CHRM2: variants seen among roughly 807,000 people sequenced by gnomAD.
The protein encoded by CHRM2 is muscarinic acetylcholine receptor M2.
CHRM2 carries 8 observed loss-of-function variants against 25.0 expected under a neutral mutation model. The ratio of observed to expected loss-of-function variants is 0.32; its 90% CI spans 0.19 to 0.58. The LOEUF (loss-of-function observed/expected upper bound fraction) is 0.58. Among genes scored for constraint, CHRM2 ranks in the 20% least tolerant of loss-of-function variants. The pLI, the probability that CHRM2 is intolerant of heterozygous loss-of-function variation, is 0.88. For missense variants in CHRM2, 440 were observed against 567.1 expected, an observed-to-expected ratio of 0.78 and a Z score of 2.28; for synonymous variants, 202 against 205.7, an observed-to-expected ratio of 0.98 and a Z score of 0.15.
intron 2 of CHRM2, among the ~76,000 whole-genome samples, chr7:136,926,946 C>T (rs1351832116): frequency 6.6e-6 from 1 of 152,224 alleles, no homozygotes; most frequent in Non-Finnish European, 1.5e-5. Flanking sequence ...CAGTCTCTAC[C>T]ATCCAAGTGA....
In CHRM2 at chr7:137,016,355, A is replaced by G. The variant is rs1472049851; in HGVS notation, c.*89A>G. On this transcript the variant is annotated 3_prime_UTR_variant, in exon 4 of 4. Coordinates refer to ENST00000680005, the MANE Select transcript of CHRM2 (RefSeq NM_001006630.2). ...AGCTCCTAGTTTTAAAATCTCTGCC[A>G]TTGCACTTTATAGTCTGATTACAAA... 22 of 1,283,190 alleles carry G rather than the reference A, an allele frequency of 1.7e-5. No individual in the cohort carries two copies. In the Admixed American group the frequency reaches 2.2e-4, roughly 13 times the overall value. The allele number at this position is 1,283,190 out of a possible 1,614,324, so 79.5% of individuals were successfully genotyped here.
At position 136,960,848 on chromosome 7, in the gene CHRM2, G is replaced by C. The variant is rs142048862; in HGVS notation, c.-124-31339G>C. ...ATATGAAAGCCATATGCATTTGGCA[G>C]GGCACAGTAGCTCACACCTGTAATC... On this transcript the variant is annotated intron_variant, in intron 2 of 3. Transcript: ENST00000680005. Among the ~76,000 whole-genome samples the C allele has an allele frequency of 2.8e-4, 43 of 152,270 alleles. No homozygotes were observed. The East Asian group carries it at 2.9e-3, about 10-fold the overall frequency.
intron 2 of CHRM2, among the ~76,000 whole-genome samples, chr7:136,987,191 T>C (rs900886083): frequency 6.6e-6 from 1 of 152,210 alleles, no homozygotes; most frequent in Non-Finnish European, 1.5e-5. Flanking sequence ...CAGGTCCCTT[T>C]CCTCTGTGAC....
chr7:136,982,141 A>G (rs1460318338), intron 2 of CHRM2, among the ~76,000 whole-genome samples: 1 of 152,124 alleles, frequency 6.6e-6, no homozygotes, highest in Non-Finnish European at 1.5e-5. Context: ...TATTGGGTGT[A>G]TATATATTTA....
chr7:136,906,812 T>G (rs1415860302), intron 2 of CHRM2: 1 of 151,606 alleles, frequency 6.6e-6, no homozygotes, highest in East Asian at 1.9e-4. Context: ...GGGTTGGGGA[T>G]GGATGGTTTT....
intron 2 of CHRM2, among the ~76,000 whole-genome samples, chr7:136,986,292 T>C (rs1202987350): frequency 6.6e-6 from 1 of 152,220 alleles, no homozygotes; most frequent in Non-Finnish European, 1.5e-5. Flanking sequence ...CTCCCTTTCC[T>C]TCTTTAGATA....
intron 3 of CHRM2, among the ~76,000 whole-genome samples, chr7:137,003,484 A>G (rs1456335345): frequency 0.29 from 173 of 598 alleles, 2 homozygotes; most frequent in Non-Finnish European, 0.32. Flanking sequence ...ACACACACAC[A>G]CACACACACA....
At chr7:136,931,460 A>T (rs1563073670) in intron 2 of CHRM2, among the ~76,000 whole-genome samples, 1 of 152,212 alleles carries the variant, frequency 6.6e-6, no homozygotes, top group Non-Finnish European at 1.5e-5. Context: ...TGGAGCTATG[A>T]AGATACCTTT....
chr7:136,912,757 C>T (rs1007055886), intron 2 of CHRM2, among the ~76,000 whole-genome samples: 5 of 151,848 alleles, frequency 3.3e-5, no homozygotes, highest in African/African-American at 4.8e-5. Flanking sequence ...ATAATTAAAA[C>T]AGATAAATGT....
At chr7:136,950,783 CTGTTGTTGT>C (rs200954535) in intron 2 of CHRM2, among the ~76,000 whole-genome samples, 45 of 149,782 alleles carry the variant, frequency 3.0e-4, no homozygotes, top group Middle Eastern at 3.4e-3. Flanking sequence ...AACCCCCAAC[CTGTTGTTGT>C]TGTTGTTGTT....
intron 2 of CHRM2, among the ~76,000 whole-genome samples, chr7:136,873,093 G>A (rs544971935): frequency 3.0e-4 from 46 of 152,246 alleles, no homozygotes; most frequent in African/African-American, 1.1e-3. Flanking sequence ...TGGACTCTCC[G>A]TGGCATAGTT....
In CHRM2 at chr7:136,875,487, C is replaced by T. The variant is rs117880062; in HGVS notation, c.-125+6069C>T. 1.8e-3 allele frequency among the ~76,000 whole-genome samples: 268 copies of T among 152,172 alleles called. 5 individuals carry two copies. In the East Asian group the frequency reaches 0.044, roughly 25 times the overall value. ...TCAGAGGCTTCCCTGGAATCCATCC[C>T]CCTCTTTCCATCCGGGCATCTTTTC... is the stretch of plus-strand genomic sequence containing the variant. On this transcript the variant is annotated intron_variant, in intron 2 of 3. Coordinates refer to ENST00000680005, the MANE Select transcript of CHRM2 (RefSeq NM_001006630.2).
chr7:136,998,033 G>A (rs1803720461), intron 3 of CHRM2, among the ~76,000 whole-genome samples: 1 of 152,164 alleles, frequency 6.6e-6, no homozygotes, highest in Non-Finnish European at 1.5e-5. Context: ...ACATTGAAGA[G>A]AATATACAAA....
intron 2 of CHRM2, among the ~76,000 whole-genome samples, chr7:136,961,159 A>C (rs879263258): frequency 2.0e-4 from 31 of 152,140 alleles, no homozygotes; most frequent in Admixed American, 2.0e-3. Context: ...ATATGCATTC[A>C]GTAGAAACCA....
chr7:136,947,464 T>G (rs1459360001), intron 2 of CHRM2, among the ~76,000 whole-genome samples: 1 of 152,150 alleles, frequency 6.6e-6, no homozygotes, highest in African/African-American at 2.4e-5. Context: ...AATGTAGACA[T>G]GTAGTAAAGT....
At chr7:136,938,737 C>T (rs908439600) in intron 2 of CHRM2, among the ~76,000 whole-genome samples, 1 of 151,930 alleles carries the variant, frequency 6.6e-6, no homozygotes, top group Admixed American at 6.6e-5. Context: ...TGCCCCAGAG[C>T]CTGGGAGGGA....
At chr7:137,011,077 T>C (rs774757340) in intron 3 of CHRM2, among the ~76,000 whole-genome samples, 1 of 152,062 alleles carries the variant, frequency 6.6e-6, no homozygotes, top group East Asian at 1.9e-4. Flanking sequence ...ATAAATTTTA[T>C]GTAGTTGTTA....
chr7:136,971,410 G>C (rs570512827), intron 2 of CHRM2, among the ~76,000 whole-genome samples: 7 of 152,198 alleles, frequency 4.6e-5, no homozygotes, highest in African/African-American at 1.7e-4. Flanking sequence ...GAGGTCAGGA[G>C]TTTGAGACCA....
At chr7:136,872,866 T>A (rs1157425961) in intron 2 of CHRM2, among the ~76,000 whole-genome samples, 1 of 152,196 alleles carries the variant, frequency 6.6e-6, no homozygotes, top group Non-Finnish European at 1.5e-5. Flanking sequence ...TCAACCTCCA[T>A]CACTGATGTC....
Sources: gnomAD v4.1 joint callset for allele counts (sites outside exome capture counted in the v4.1 genomes callset) on GRCh38, gnomAD v4.1.1 for gene constraint, MANE v1.5 for transcripts, NCBI Gene and HGNC (gene_info 2026-07-23, HGNC 2026-07-21) for gene names.